The following CADPS2 variants were observed in gnomAD, a reference collection of about 807,000 sequenced individuals.
CADPS2 encodes the protein calcium dependent secretion activator 2, also known as calcium-dependent secretion activator 2.
A neutral mutation model predicts 172.5 loss-of-function variants in CADPS2; 93 were observed. The ratio of observed to expected loss-of-function variants is 0.54; its 90% confidence interval spans 0.46 to 0.64. CADPS2 has a LOEUF of 0.64. Among genes scored for constraint, CADPS2 ranks in the 30% least tolerant of loss-of-function variants. The pLI is 0.00. For missense variants in CADPS2, 1,420 were observed against 1,565.9 expected, an observed-to-expected ratio of 0.91 and a Z score of 1.57; for synonymous variants, 546 against 555.2, an observed-to-expected ratio of 0.98 and a Z score of 0.23.
chr7:122,818,542 C>A (rs1297181211), intron 1 of CADPS2, among the ~76,000 whole-genome samples: 1 of 152,144 alleles, frequency 6.6e-6, no homozygotes, highest in African/African-American at 2.4e-5. Flanking sequence ...ATCACTGAGT[C>A]TTTCTAATCT....
At chr7:122,589,841 C>A (rs1033234331) in intron 6 of CADPS2, among the ~76,000 whole-genome samples, 1 of 151,814 alleles carries the variant, frequency 6.6e-6, no homozygotes, top group African/African-American at 2.4e-5. Flanking sequence ...TGGGCTTATA[C>A]ATGTATCTCT....
At position 122,425,791 on chromosome 7, in the gene CADPS2, T is replaced by C. The variant is rs530241389; in HGVS notation, c.2477-9627A>G. On this transcript the variant is annotated intron_variant, in intron 17 of 29. Transcript: ENST00000449022. ...ACTGAAAATCAAATACTGAATCACA[T>C]AAAGTCTATAGCATCTTTAGTATCA... Among the ~76,000 whole-genome samples the C allele has an allele frequency of 3.9e-5, 6 of 152,324 alleles. No individual in the cohort carries two copies. The South Asian group carries it at 8.3e-4, about 21-fold the overall frequency.
intron 1 of CADPS2, among the ~76,000 whole-genome samples, chr7:122,846,192 T>G (rs1811946585): frequency 2.6e-5 from 4 of 152,178 alleles, no homozygotes; most frequent in Admixed American, 2.6e-4. Context: ...GATAAAGGTA[T>G]TACAAAATCT....
intron 1 of CADPS2, among the ~76,000 whole-genome samples, chr7:122,760,178 C>T (rs990876987): frequency 6.6e-6 from 1 of 151,326 alleles, no homozygotes; most frequent in Non-Finnish European, 1.5e-5. Flanking sequence ...ATTAACTGTA[C>T]CTGTAAAACA....
intron 6 of CADPS2, among the ~76,000 whole-genome samples, chr7:122,609,124 T>A (rs567329132): frequency 1.3e-5 from 2 of 152,300 alleles, no homozygotes; most frequent in Admixed American, 1.3e-4. Context: ...GGCACCAAGA[T>A]CTATCTTCAC....
chr7:122,838,823 G>A (rs1442297160), intron 1 of CADPS2, among the ~76,000 whole-genome samples: 3 of 152,166 alleles, frequency 2.0e-5, no homozygotes, highest in African/African-American at 7.2e-5. Context: ...TGGATAGGAA[G>A]AATCAATATC....
intron 2 of CADPS2, among the ~76,000 whole-genome samples, chr7:122,695,205 AAG>A (rs2084917494): frequency 6.6e-6 from 1 of 152,232 alleles, no homozygotes; most frequent in South Asian, 2.1e-4. Context: ...ACCACCCGAT[AAG>A]AGTTGAAATG....
chr7:122,509,655 T>C (rs1175347162), intron 9 of CADPS2, among the ~76,000 whole-genome samples: 1 of 152,186 alleles, frequency 6.6e-6, no homozygotes, highest in Non-Finnish European at 1.5e-5. Flanking sequence ...TGTGCATCAA[T>C]GTAATCATAG....
At chr7:122,847,912 G>C (rs373970338) in intron 1 of CADPS2, among the ~76,000 whole-genome samples, 1 of 152,124 alleles carries the variant, frequency 6.6e-6, no homozygotes, top group Non-Finnish European at 1.5e-5. Flanking sequence ...AAAGCAATAC[G>C]GTAGCAAAGC....
chr7:122,701,275 T>C (rs2086027411), intron 2 of CADPS2, among the ~76,000 whole-genome samples: 1 of 152,098 alleles, frequency 6.6e-6, no homozygotes, highest in African/African-American at 2.4e-5. Flanking sequence ...AATGGATGAG[T>C]TCATGTCCTT....
chr7:122,703,538 C>G (rs1359679943), intron 2 of CADPS2, among the ~76,000 whole-genome samples: 1 of 152,106 alleles, frequency 6.6e-6, no homozygotes, highest in Non-Finnish European at 1.5e-5. Context: ...CTGGTAAGAA[C>G]CTACTATGTG....
At chr7:122,491,820 T>A (rs191488709) in intron 9 of CADPS2, among the ~76,000 whole-genome samples, 9 of 152,288 alleles carry the variant, frequency 5.9e-5, no homozygotes, top group Admixed American at 5.2e-4. Context: ...AAGAGTAAGA[T>A]TAGGAGTAGT....
chr7:122,352,566 A>G (rs2038830755), intron 27 of CADPS2, among the ~76,000 whole-genome samples: 1 of 151,976 alleles, frequency 6.6e-6, no homozygotes, highest in Non-Finnish European at 1.5e-5. Context: ...ACAACACACA[A>G]CCTCCTCCAC....
At chr7:122,726,046 A>G (rs1044672978) in intron 2 of CADPS2, among the ~76,000 whole-genome samples, 5 of 151,848 alleles carry the variant, frequency 3.3e-5, no homozygotes, top group African/African-American at 9.7e-5. Context: ...AGTAAATTTT[A>G]ACTCACCAGC....
intron 2 of CADPS2, among the ~76,000 whole-genome samples, chr7:122,720,944 T>C (rs966063368): frequency 2.0e-5 from 3 of 152,056 alleles, no homozygotes; most frequent in Admixed American, 6.6e-5. Flanking sequence ...ATTTGAAATA[T>C]ATGTGCCAGG....
intron 4 of CADPS2, among the ~76,000 whole-genome samples, chr7:122,622,543 A>G (rs1164039854): frequency 6.6e-6 from 1 of 152,186 alleles, no homozygotes; most frequent in Non-Finnish European, 1.5e-5. Context: ...TTCTTAGAGA[A>G]GATTATAATA....
chr7:122,865,481 A>G (rs1025333026), intron 1 of CADPS2, among the ~76,000 whole-genome samples: 3 of 152,180 alleles, frequency 2.0e-5, no homozygotes, highest in African/African-American at 7.2e-5. Flanking sequence ...AACAATTCTA[A>G]GCCAATTCTT....
intron 11 of CADPS2, among the ~76,000 whole-genome samples, chr7:122,481,738 CA>C (rs1281974381): frequency 7.2e-5 from 11 of 151,944 alleles, no homozygotes; most frequent in Non-Finnish European, 1.2e-4. Context: ...CAGGCAGGTG[CA>C]GTGGCTCATG....
In CADPS2 at chr7:122,320,124, G is replaced by C; in HGVS notation, c.*41C>G. 1 of 1,480,318 alleles carries C rather than the reference G, an allele frequency of 6.8e-7. No homozygotes were observed. The highest frequency in any genetic ancestry group is 9.0e-7 in the Non-Finnish European group (1 of 1,109,836). 91.7% of individuals were successfully genotyped at this position (1,480,318 alleles called of 1,614,324 possible). On this transcript the variant is annotated 3_prime_UTR_variant, in exon 30 of 30. Coordinates refer to ENST00000449022, the MANE Select transcript of CADPS2 (RefSeq NM_017954.11). ...CAAGGTTAAAAAAATAAAAAACAAT[G>C]TCGATCAAGGTCTTCCTTCCTTCTG...
Sources: allele counts gnomAD v4.1 joint callset (sites outside exome capture counted in the v4.1 genomes callset), GRCh38; gene constraint gnomAD v4.1.1; transcripts MANE v1.5; gene names NCBI Gene and HGNC (gene_info 2026-07-23, HGNC 2026-07-21).